PDXP: variants seen among roughly 807,000 people sequenced by gnomAD.
PDXP encodes the protein pyridoxal phosphatase.
PDXP carries 15 observed loss-of-function variants against 14.4 expected under a neutral mutation model. The ratio of observed to expected loss-of-function variants is 1.04; its 90% CI spans 0.70 to 1.60. PDXP has a LOEUF of 1.60. Ranked by LOEUF, PDXP falls within the 40% of genes most tolerant of loss-of-function variation. PDXP has a pLI of 0.00. For synonymous variants in PDXP, 233 were observed against 205.6 expected (o/e 1.13, Z -1.14); for missense variants, 413 against 427.6 (o/e 0.97, Z 0.30).
chr22:37,665,721 C>T lies in PDXP; in HGVS notation c.741C>T (p.Gly247=), dbSNP rs1397322983. 5.6e-6 allele frequency: 9 copies of T among 1,614,038 alleles called. No individual in the cohort carries two copies. Among genetic ancestry groups the T allele is most frequent in the Non-Finnish European group, 7.6e-6 (9 of 1,180,042 alleles). Residue 247 remains glycine, a synonymous_variant, in exon 2 of 2, where the codon GGC becomes GGT. Transcript: ENST00000215904. ...GDRLETDILF[G]HRCGMTTVLT... The stretch of plus-strand genomic sequence containing the variant: ...GCCTGGAGACCGACATCCTCTTTGG[C>T]CACCGCTGCGGCATGACCACTGTGC...
chr22:37,658,880 G>A lies in PDXP; in HGVS notation c.98G>A (p.Gly33Asp), dbSNP rs1467992242. ...LFDCDGVLWNGERAVPGAPEL... is the reference protein window; with the variant it reads ...LFDCDGVLWNDERAVPGAPEL... Reference sequence around the variant, plus strand: ...GACTGTGACGGGGTGCTGTGGAACGGCGAGCGCGCCGTGCCGGGCGCCCCG... The same window carrying A: ...GACTGTGACGGGGTGCTGTGGAACGACGAGCGCGCCGTGCCGGGCGCCCCG... The change falls in exon 1 of 2, where the codon GGC becomes GAC. Residue 33 changes from glycine (G) to aspartate (D), a missense_variant. Physicochemically the swap from Gly to Asp is moderately conservative, Grantham distance 94. Coordinates refer to ENST00000215904, the MANE Select transcript of PDXP (RefSeq NM_020315.5). 8.2e-7 allele frequency: 1 copy of A among 1,222,588 alleles called. No homozygotes were observed. Among genetic ancestry groups the A allele is most frequent in the Non-Finnish European group, 1.0e-6 (1 of 980,338 alleles). 75.7% of individuals were successfully genotyped at this position (1,222,588 alleles called of 1,614,324 possible).
rs773996111 is a variant in PDXP at position 37,659,351 on chromosome 22, C to A, written c.569C>A (p.Thr190Asn). 3 of 1,299,632 alleles carry A rather than the reference C, an allele frequency of 2.3e-6. No homozygotes were observed. Among genetic ancestry groups the A allele is most frequent in the Non-Finnish European group, 2.0e-6 (2 of 1,021,978 alleles). The allele number at this position is 1,299,632 out of a possible 1,614,324, so 80.5% of individuals were successfully genotyped here. A position where few individuals can be genotyped will look rare whatever the true frequency, so the allele number is the denominator to read the frequency against. Residue 190 changes from threonine (T) to asparagine (N), a missense_variant, in exon 1 of 2, where the codon ACC (threonine) becomes AAC (asparagine). Physicochemically the swap from Thr to Asn is moderately conservative, Grantham distance 65. Transcript: ENST00000215904. ...PWHPLSDGSR[T>N]PGTGSLAAAV... is the part of the protein sequence containing the mutation. ...CACCCGCTGAGCGACGGCAGCCGGACCCCTGGTGAGCGCGGGAATGGCGGG... is the reference window on the plus strand; with the variant it reads ...CACCCGCTGAGCGACGGCAGCCGGAACCCTGGTGAGCGCGGGAATGGCGGG...
chr22:37,659,252 C>T lies in PDXP; in HGVS notation c.470C>T (p.Ala157Val), dbSNP rs771125546. The change falls in exon 1 of 2, where the codon GCC (alanine) becomes GTC (valine). Residue 157 changes from alanine (A) to valine (V), a missense_variant. By Grantham distance (64) the Ala-to-Val change is moderately conservative. Transcript: ENST00000215904. Reference protein sequence around the residue: ...LVGYDEHFSFAKLREACAHLR... With the variant: ...LVGYDEHFSFVKLREACAHLR... ...GGCTACGACGAGCACTTCTCCTTCGCCAAGCTGAGGGAGGCGTGCGCGCAC... is the reference window on the plus strand; with the variant it reads ...GGCTACGACGAGCACTTCTCCTTCGTCAAGCTGAGGGAGGCGTGCGCGCAC... The T allele has an allele frequency of 7.5e-7, 1 of 1,325,398 alleles. No homozygotes were observed. The highest frequency in any genetic ancestry group is 9.7e-7 in the Non-Finnish European group (1 of 1,032,160). The allele number at this position is 1,325,398 out of a possible 1,614,324, so 82.1% of individuals were successfully genotyped here.
chr22:37,664,008 G>A (rs1265693950), intron 1 of PDXP, among the ~76,000 whole-genome samples: 2 of 132,604 alleles, frequency 1.5e-5, no homozygotes, highest in Non-Finnish European at 3.1e-5. Context: ...TCAGCTCACC[G>A]CAGCCTCCGC....
In PDXP at chr22:37,666,038, C is replaced by G. The variant is rs557698795; in HGVS notation, c.*167C>G. ...GTTTGAGGGCCCTTGCAACCCCCTC[C>G]CAGCAGTGGCTGGGCACTCTTTGCT... On this transcript the variant is annotated 3_prime_UTR_variant, in exon 2 of 2. Coordinates refer to ENST00000215904, the MANE Select transcript of PDXP (RefSeq NM_020315.5). The G allele has an allele frequency of 2.2e-5, 15 of 679,624 alleles. No homozygotes were observed. The South Asian group carries it at 2.9e-4, about 13-fold the overall frequency. The allele number at this position is 679,624 out of a possible 1,614,324, so 42.1% of individuals were successfully genotyped here. A position where few individuals can be genotyped will look rare whatever the true frequency, so the allele number is the denominator to read the frequency against.
intron 1 of PDXP, among the ~76,000 whole-genome samples, chr22:37,662,380 G>A (rs1490556756): frequency 1.3e-5 from 2 of 152,142 alleles, no homozygotes; most frequent in African/African-American, 4.8e-5. Flanking sequence ...TGGGAAGGGA[G>A]ACAGGAGGCC....
At chr22:37,661,331 A>AGTGTG (rs1014757268) in intron 1 of PDXP, among the ~76,000 whole-genome samples, 4 of 93,572 alleles carry the variant, frequency 4.3e-5, no homozygotes, top group East Asian at 5.9e-4. Context: ...GCTTTCAAAC[A>AGTGTG]GTGTGGTGTG....
chr22:37,665,569 G>C lies in PDXP; in HGVS notation c.589G>C (p.Ala197Pro). The C allele has an allele frequency of 1.9e-6, 3 of 1,607,500 alleles. No individual in the cohort carries two copies. The highest frequency in any genetic ancestry group is 2.5e-6 in the Non-Finnish European group (3 of 1,178,080). ...GSRTPGTGSL[A>P]AAVETASGRQ... ...TCTCCCTACAGGCACCGGGAGCCTGGCCGCTGCAGTGGAGACAGCCTCGGG... is the reference window on the plus strand; with the variant it reads ...TCTCCCTACAGGCACCGGGAGCCTGCCCGCTGCAGTGGAGACAGCCTCGGG... Residue 197 changes from alanine to proline, a missense_variant, in exon 2 of 2, where the codon GCC (alanine) becomes CCC (proline). By Grantham distance (27) the Ala-to-Pro change is conservative. Transcript: ENST00000215904.
intron 1 of PDXP, among the ~76,000 whole-genome samples, chr22:37,662,058 C>T (rs1022899873): frequency 2.0e-5 from 3 of 149,926 alleles, no homozygotes; most frequent in African/African-American, 7.4e-5. Flanking sequence ...TCTCCTGCCT[C>T]AGCCTCCCCA....
intron 1 of PDXP, among the ~76,000 whole-genome samples, chr22:37,660,850 A>T (rs915573195): frequency 1.2e-4 from 19 of 152,080 alleles, no homozygotes; most frequent in African/African-American, 4.6e-4. Context: ...GTGATAATAC[A>T]CCAGGAGATG....
chr22:37,665,572 G>A lies in PDXP; in HGVS notation c.592G>A (p.Ala198Thr), dbSNP rs1212966911. ...CCCTACAGGCACCGGGAGCCTGGCC[G>A]CTGCAGTGGAGACAGCCTCGGGACG... is the stretch of plus-strand genomic sequence containing the variant. ...SRTPGTGSLA[A>T]AVETASGRQA... Residue 198 changes from alanine (A) to threonine (T), a missense_variant, in exon 2 of 2, where the codon GCT becomes ACT. By Grantham distance (58) the Ala-to-Thr change is moderately conservative. Coordinates refer to ENST00000215904, the MANE Select transcript of PDXP (RefSeq NM_020315.5). 5.6e-6 allele frequency: 9 copies of A among 1,608,538 alleles called. No homozygotes were observed. Among genetic ancestry groups the A allele is most frequent in the East Asian group, 4.5e-5 (2 of 44,832 alleles).
chr22:37,663,369 C>T (rs1018118296), intron 1 of PDXP, among the ~76,000 whole-genome samples: 6 of 151,418 alleles, frequency 4.0e-5, no homozygotes, highest in Admixed American at 6.6e-5. Flanking sequence ...GACAGGGTCT[C>T]GCTCTGTCAC....
At position 37,666,798 on chromosome 22, in the gene PDXP, C is replaced by G. The variant is rs952513337; in HGVS notation, c.*927C>G. 1.8e-5 allele frequency: 3 copies of G among 167,142 alleles called. No individual in the cohort carries two copies. Among genetic ancestry groups the G allele is most frequent in the African/African-American group, 7.2e-5 (3 of 41,448 alleles). The allele number at this position is 167,142 out of a possible 1,614,324, so 10.4% of individuals were successfully genotyped here. ...CAGTGTTTTCAGTACCACCTCTCTCCCGTGCCCACTTGGCTATTTACTTAT... is the reference window on the plus strand; with the variant it reads ...CAGTGTTTTCAGTACCACCTCTCTCGCGTGCCCACTTGGCTATTTACTTAT... On this transcript the variant is annotated 3_prime_UTR_variant, in exon 2 of 2. Coordinates refer to ENST00000215904, the MANE Select transcript of PDXP (RefSeq NM_020315.5).
At chr22:37,661,657 G>A (rs1200206582) in intron 1 of PDXP, among the ~76,000 whole-genome samples, 1 of 152,168 alleles carries the variant, frequency 6.6e-6, no homozygotes, top group African/African-American at 2.4e-5. Flanking sequence ...TCGCTCCCCT[G>A]AGGTCAGGAT....
intron 1 of PDXP, among the ~76,000 whole-genome samples, chr22:37,659,982 A>C (rs945723797): frequency 1.3e-5 from 2 of 152,162 alleles, no homozygotes; most frequent in African/African-American, 4.8e-5. Context: ...TTGGTTTCCA[A>C]ATTACTCTGG....
chr22:37,662,374 A>G (rs1933222885), intron 1 of PDXP, among the ~76,000 whole-genome samples: 1 of 152,018 alleles, frequency 6.6e-6, no homozygotes, highest in African/African-American at 2.4e-5. Context: ...CAGCCTTGGG[A>G]AGGGAGACAG....
chr22:37,665,571 C>A lies in PDXP; in HGVS notation c.591C>A (p.Ala197=). The stretch of plus-strand genomic sequence containing the variant: ...TCCCTACAGGCACCGGGAGCCTGGC[C>A]GCTGCAGTGGAGACAGCCTCGGGAC... The part of the protein sequence containing the change: ...GSRTPGTGSL[A]AAVETASGRQ... Residue 197 remains alanine (A), a synonymous_variant, in exon 2 of 2, where the codon GCC becomes GCA. Transcript: ENST00000215904. The A allele has an allele frequency of 1.2e-6, 2 of 1,608,234 alleles. No homozygotes were observed. Among genetic ancestry groups the A allele is most frequent in the Non-Finnish European group, 1.7e-6 (2 of 1,178,324 alleles).
At chr22:37,663,919 C>CTCTTT (rs1486863368) in intron 1 of PDXP, among the ~76,000 whole-genome samples, 3 of 98,310 alleles carry the variant, frequency 3.1e-5, no homozygotes, top group African/African-American at 1.3e-4. Flanking sequence ...AATACGTTGA[C>CTCTTT]TTTTTTTTTT....
chr22:37,660,879 A>G (rs559316164), intron 1 of PDXP, among the ~76,000 whole-genome samples: 23 of 152,256 alleles, frequency 1.5e-4, no homozygotes, highest in Non-Finnish European at 1.6e-4. Flanking sequence ...GTGTTATGGC[A>G]TGGCAGAGAG....
Sources: gnomAD v4.1 joint callset for allele counts (sites outside exome capture counted in the v4.1 genomes callset) on GRCh38, gnomAD v4.1.1 for gene constraint, MANE v1.5 for transcripts, NCBI Gene and HGNC (gene_info 2026-07-23, HGNC 2026-07-21) for gene names.